CCAR2: variants seen among roughly 807,000 people sequenced by gnomAD.
The protein encoded by CCAR2 is cell cycle and apoptosis regulator protein 2.
In CCAR2, 21 loss-of-function variants were observed where a neutral mutation model predicts 108.1. The observed-to-expected ratio is 0.19, with a 90% CI of 0.14 to 0.28. CCAR2 has a LOEUF of 0.28. CCAR2 is among the 10% of genes least tolerant of loss of function. The pLI, the probability that CCAR2 is intolerant of heterozygous loss-of-function variation, is 1.00. For missense variants in CCAR2, 1,126 were observed against 1,177.0 expected, an observed-to-expected ratio of 0.96 and a Z score of 0.63; for synonymous variants, 577 against 472.8, an observed-to-expected ratio of 1.22 and a Z score of -2.86.
intron 1 of CCAR2, chr8:22,605,465 T>C: frequency 3.2e-6 from 1 of 309,976 alleles, no homozygotes; most frequent in Non-Finnish European, 6.0e-6. Context: ...CCCGGGCAAG[T>C]CTCTTGATCT....
downstream of CCAR2, chr8:22,621,221 G>A (rs998699597): frequency 4.6e-6 from 3 of 648,198 alleles, no homozygotes; most frequent in African/African-American, 5.5e-5. Context: ...CTGCTTACCT[G>A]CTGGGGCTGT....
chr8:22,613,297 C>A (rs2117442511), intron 8 of CCAR2, among the ~76,000 whole-genome samples, 161 bp downstream of exon 8: 1 of 151,612 alleles, frequency 6.6e-6, no homozygotes, highest in East Asian at 1.9e-4. Flanking sequence ...TGGTGGTTTG[C>A]CTTTTCACTG....
Position 22,607,401 on chromosome 8 carries a change from C to G in CCAR2, c.487+76C>G. 4 of 1,557,866 alleles carry G rather than the reference C, an allele frequency of 2.6e-6. No individual in the cohort carries two copies. In the Admixed American group the frequency reaches 6.9e-5, roughly 27 times the overall value. On this transcript the variant is annotated intron_variant, in intron 6 of 20. Transcript: ENST00000308511. ...ATCAATGGACTTTCAGGTTGCTGCT[C>G]TTAGCATAGAGGTGGGTACTTCTAT... is the stretch of plus-strand genomic sequence containing the variant.
rs201375058 is a variant in CCAR2 at position 22,615,009 on chromosome 8, G to A, written c.1205+8G>A. 5 of 1,552,680 alleles carry A rather than the reference G, an allele frequency of 3.2e-6. No individual in the cohort carries two copies. Among genetic ancestry groups the A allele is most frequent in the Non-Finnish European group, 4.4e-6 (5 of 1,147,312 alleles). On this transcript the variant is annotated splice_region_variant and intron_variant, in intron 11 of 20. Coordinates refer to ENST00000308511, the MANE Select transcript of CCAR2 (RefSeq NM_001393997.1). ...GAGCGGCTGTACCAAGTGGTGAGTG[G>A]GCTTCCTGAGCCTCAGCTGCACCAA...
chr8:22,609,157 C>T (rs1433749736), intron 7 of CCAR2, among the ~76,000 whole-genome samples: 1 of 151,252 alleles, frequency 6.6e-6, no homozygotes, highest in Non-Finnish European at 1.5e-5. Context: ...CACAAGCCAT[C>T]CTCCTGCCTC....
downstream of CCAR2, chr8:22,620,784 C>A (rs1266377105): frequency 6.6e-6 from 1 of 152,270 alleles, no homozygotes; most frequent in Non-Finnish European, 1.5e-5. Context: ...ACCCACTGTT[C>A]CTGCTTTGAG....
At chr8:22,606,036 C>T in intron 2 of CCAR2, 49 bp from the exon 3 acceptor site, 1 of 1,528,840 alleles carries the variant, frequency 6.5e-7, no homozygotes, top group Admixed American at 1.7e-5. Flanking sequence ...TTGACTCGTG[C>T]TTAAGGTGGT....
chr8:22,612,701 C>G (rs1054438908), intron 7 of CCAR2: 2 of 201,938 alleles, frequency 9.9e-6, no homozygotes, highest in Non-Finnish European at 2.0e-5. Context: ...GAAAATTATT[C>G]GTAAGCTTTC....
In CCAR2 at chr8:22,616,113, A is replaced by C; in HGVS notation, c.1710A>C (p.Pro570=). 6.2e-7 allele frequency: 1 copy of C among 1,613,968 alleles called. No individual in the cohort carries two copies. The highest frequency in any genetic ancestry group is 1.1e-5 in the South Asian group (1 of 91,076). Residue 570 remains proline (P), a synonymous_variant, in exon 14 of 21, where the codon CCA becomes CCC. Coordinates refer to ENST00000308511, the MANE Select transcript of CCAR2 (RefSeq NM_001393997.1). The stretch of plus-strand genomic sequence containing the variant: ...GCCTTCCTGAAAAGGTCGTGTCCCC[A>C]CCTGAACCTGAGAAGGAGGAGGCGG... ...LLSLPEKVVS[P]PEPEKEEAAK... is the part of the protein sequence containing the mutation.
At chr8:22,609,506 A>G (rs1364664451) in intron 7 of CCAR2, among the ~76,000 whole-genome samples, 1 of 152,112 alleles carries the variant, frequency 6.6e-6, no homozygotes, top group East Asian at 1.9e-4. Flanking sequence ...TGGGGTTTCC[A>G]CTGCTTGAAA....
intron 8 of CCAR2, 61 bp from the exon 9 acceptor site, chr8:22,614,031 G>T (rs1043576329): frequency 1.4e-6 from 2 of 1,478,070 alleles, no homozygotes; most frequent in East Asian, 2.3e-5. Context: ...AATCTTTGAT[G>T]GTTTCATTTC....
chr8:22,615,599 A>G lies in CCAR2; in HGVS notation c.1377+3A>G. On this transcript the variant is annotated splice_donor_region_variant and intron_variant, in intron 12 of 20. Coordinates refer to ENST00000308511, the MANE Select transcript of CCAR2 (RefSeq NM_001393997.1). ...CCCCAACCCAGGAGGCACAAGGGGT[A>G]AGGCTGTGCCTTAGCCAGCAGCGGG... The G allele has an allele frequency of 1.2e-6, 2 of 1,613,868 alleles. No homozygotes were observed. The highest frequency in any genetic ancestry group is 1.7e-6 in the Non-Finnish European group (2 of 1,179,964).
Position 22,615,500 on chromosome 8 carries a change from G to C in CCAR2, c.1281G>C (p.Pro427=), listed in dbSNP as rs148396036. 2.5e-6 allele frequency: 4 copies of C among 1,613,822 alleles called. No homozygotes were observed. Among genetic ancestry groups the C allele is most frequent in the Non-Finnish European group, 2.5e-6 (3 of 1,180,044 alleles). Reference sequence around the variant, plus strand: ...TTCAGACAGTGGTGGTGTACCTGCCGGATGTCTGGACCATCATGCCTACTT... The same window carrying C: ...TTCAGACAGTGGTGGTGTACCTGCCCGATGTCTGGACCATCATGCCTACTT... ...RRLQTVVVYL[P]DVWTIMPTLE... is the part of the protein sequence containing the mutation. Residue 427 remains proline, a synonymous_variant, in exon 12 of 21, where the codon CCG becomes CCC. Transcript: ENST00000308511.
At chr8:22,616,336 C>G (rs1286599075) in intron 14 of CCAR2, 88 bp downstream of exon 14, 6 of 1,262,272 alleles carry the variant, frequency 4.8e-6, no homozygotes, top group Non-Finnish European at 5.7e-6. Context: ...CTTCCTGTGC[C>G]TTAGCTCATT....
chr8:22,605,071 C>T (rs1801014227), intron 1 of CCAR2: 2 of 259,508 alleles, frequency 7.7e-6, no homozygotes, highest in South Asian at 3.2e-5. Context: ...CGCCGCGGCT[C>T]TGCTGGGAGA....
rs200827249 is a variant in CCAR2, at chr8:22,619,342, G to A, written c.2714G>A (p.Arg905Gln). Residue 905 changes from arginine (R) to glutamine (Q), a missense_variant, in exon 20 of 21, where the codon CGG becomes CAG. Arg to Gln is a conservative substitution (Grantham distance 43). Transcript: ENST00000308511. ...ACCCCCCTGCAGCTGGAGATCCAGC[G>A]GGTGGTGGAAAAGGTAAGGTGGGGG... ...RLTPLQLEIQ[R>Q]VVEKADSWVE... 174 of 1,559,722 alleles carry A rather than the reference G, an allele frequency of 1.1e-4. No individual in the cohort carries two copies. Among genetic ancestry groups the A allele is most frequent in the Non-Finnish European group, 1.1e-4 (125 of 1,152,526 alleles).
rs770315484 is a variant in CCAR2 at position 22,619,223 on chromosome 8, A to C, written c.2595A>C (p.Arg865=). 2.5e-6 allele frequency: 4 copies of C among 1,578,506 alleles called. No homozygotes were observed. The South Asian group carries it at 3.4e-5, about 14-fold the overall frequency. ...TGGCGGCAGAGATGCAGGAGCTGCG[A>C]GTCCGGCTGGCGGAGGCCGAGGAGA... ...KTLAAEMQEL[R]VRLAEAEETA... The change falls in exon 20 of 21, where the codon CGA becomes CGC. Residue 865 remains arginine (R), a synonymous_variant. Transcript: ENST00000308511.
chr8:22,615,194 C>A, intron 11 of CCAR2, 193 bp downstream of exon 11: 3 of 891,274 alleles, frequency 3.4e-6, no homozygotes, highest in Non-Finnish European at 5.0e-6. Flanking sequence ...GCACTTGAGA[C>A]TCCCTGGAGT....
intron 1 of CCAR2, 190 bp downstream of exon 1, chr8:22,605,032 C>T (rs1049584208): frequency 6.7e-6 from 2 of 299,188 alleles, no homozygotes; most frequent in African/African-American, 2.4e-5. Context: ...GAGGAGAAAC[C>T]GCGCGCCTCA....
Sources: gnomAD v4.1 joint callset for allele counts (sites outside exome capture counted in the v4.1 genomes callset) on GRCh38, gnomAD v4.1.1 for gene constraint, MANE v1.5 for transcripts, NCBI Gene and HGNC (gene_info 2026-07-23, HGNC 2026-07-21) for gene names.